Variants in FAM184A observed in about 807,000 individuals in gnomAD.
The protein encoded by FAM184A is family with sequence similarity 184 member A.
FAM184A carries 99 observed loss-of-function variants against 143.8 expected under a neutral mutation model. The ratio of observed to expected loss-of-function variants is 0.69; its 90% CI spans 0.58 to 0.81. FAM184A has a LOEUF of 0.81. FAM184A is among the 40% of genes least tolerant of loss of function. FAM184A has a pLI of 0.00. For missense variants in FAM184A, 1,217 were observed against 1,310.5 expected, an observed-to-expected ratio of 0.93 and a Z score of 1.10; for synonymous variants, 427 against 446.4, an observed-to-expected ratio of 0.96 and a Z score of 0.55.
intron 1 of FAM184A, among the ~76,000 whole-genome samples, chr6:119,027,437 A>G (rs987817725): frequency 1.8e-4 from 28 of 152,278 alleles, no homozygotes; most frequent in African/African-American, 6.7e-4. Flanking sequence ...TTCCTGACAT[A>G]GAGCTCCTAA....
At chr6:119,103,928 G>GAAAA (rs199961401) in intron 1 of FAM184A, among the ~76,000 whole-genome samples, 3 of 72,888 alleles carry the variant, frequency 4.1e-5, no homozygotes, top group South Asian at 4.3e-4. Context: ...TCCGTGTAGA[G>GAAAA]AAAAAAAAAA....
chr6:119,073,000 C>T (rs528863269), intron 1 of FAM184A, among the ~76,000 whole-genome samples: 1 of 152,136 alleles, frequency 6.6e-6, no homozygotes, highest in South Asian at 2.1e-4. Flanking sequence ...ATGTGCAAAC[C>T]ATTCATATTA....
intron 1 of FAM184A, among the ~76,000 whole-genome samples, chr6:119,076,481 C>A (rs930813036): frequency 3.3e-5 from 5 of 152,138 alleles, no homozygotes; most frequent in Non-Finnish European, 7.4e-5. Flanking sequence ...AATACACCTA[C>A]GTTTACCAGT....
intron 6 of FAM184A, among the ~76,000 whole-genome samples, 155 bp from the exon 7 acceptor site, chr6:119,006,763 G>A (rs1394147553): frequency 6.6e-6 from 1 of 152,092 alleles, no homozygotes; most frequent in Non-Finnish European, 1.5e-5. Context: ...AACCATGACA[G>A]CTTTCTTCTG....
chr6:118,967,050 A>AT, intron 14 of FAM184A, 98 bp from the exon 15 acceptor site: 1 of 581,652 alleles, frequency 1.7e-6, no homozygotes, highest in Non-Finnish European at 3.0e-6. Context: ...CACACACAAA[A>AT]ATCTGAAACA....
In FAM184A at chr6:119,056,285, T is replaced by G. The variant is rs192545729; in HGVS notation, c.159+21856A>C. On this transcript the variant is annotated intron_variant, in intron 1 of 17. Transcript: ENST00000338891. Reference sequence around the variant, plus strand: ...AGATTGAGACAAGAAACTAGGTTTTTGGTTTATTTGTTATTTGGGATATGG... The same window carrying G: ...AGATTGAGACAAGAAACTAGGTTTTGGGTTTATTTGTTATTTGGGATATGG... Among the ~76,000 whole-genome samples, 490 of 152,350 alleles carry G rather than the reference T, an allele frequency of 3.2e-3. 1 individual carries two copies. The highest frequency in any genetic ancestry group is 4.7e-3 in the Non-Finnish European group (319 of 68,024).
chr6:119,076,160 G>T (rs543213675), intron 1 of FAM184A, among the ~76,000 whole-genome samples: 4 of 152,102 alleles, frequency 2.6e-5, no homozygotes, highest in Non-Finnish European at 5.9e-5. Flanking sequence ...GTAGTGCCAG[G>T]GATGCTGCCA....
intron 1 of FAM184A, among the ~76,000 whole-genome samples, chr6:119,112,754 AT>A (rs776511828): frequency 6.6e-5 from 10 of 152,318 alleles, no homozygotes; most frequent in Admixed American, 3.9e-4. Context: ...TAGTCACACT[AT>A]TTTTTAAAGG....
chr6:118,968,439 A>G (rs1188949565), intron 14 of FAM184A, among the ~76,000 whole-genome samples: 1 of 152,222 alleles, frequency 6.6e-6, no homozygotes, highest in Non-Finnish European at 1.5e-5. Flanking sequence ...TTTTGTGACA[A>G]TAGAGACCAA....
intron 14 of FAM184A, among the ~76,000 whole-genome samples, chr6:118,970,008 A>ATATATATATATATATATATATATAT: frequency 1.6e-4 from 3 of 19,050 alleles, no homozygotes; most frequent in Non-Finnish European, 3.4e-4. Context: ...ATATATATAT[A>ATATATATATATATATATATATATAT]TTTTTTTTTT....
chr6:119,051,639 T>A (rs953480456), intron 1 of FAM184A, among the ~76,000 whole-genome samples: 1 of 152,052 alleles, frequency 6.6e-6, no homozygotes, highest in South Asian at 2.1e-4. Context: ...CATAAATATA[T>A]ACGAGTACTA....
intron 1 of FAM184A, among the ~76,000 whole-genome samples, chr6:119,131,414 G>A (rs995971868): frequency 6.6e-6 from 1 of 152,150 alleles, no homozygotes; most frequent in Non-Finnish European, 1.5e-5. Context: ...CAGACTGGTG[G>A]CAATCTTAGA....
chr6:119,073,927 C>G (rs902689419), intron 1 of FAM184A, among the ~76,000 whole-genome samples: 2 of 152,132 alleles, frequency 1.3e-5, no homozygotes, highest in African/African-American at 4.8e-5. Flanking sequence ...CAAGTCCATG[C>G]AAGAGGGGTA....
chr6:118,967,295 C>G (rs182191097), intron 14 of FAM184A, among the ~76,000 whole-genome samples: 5 of 152,232 alleles, frequency 3.3e-5, no homozygotes, highest in African/African-American at 1.2e-4. Context: ...TGACAAATAA[C>G]AGGTTTGATA....
intron 1 of FAM184A, among the ~76,000 whole-genome samples, chr6:119,102,784 C>CAAA (rs58686018): frequency 0.02 from 614 of 30,076 alleles, 91 homozygotes; most frequent in African/African-American, 0.044. Flanking sequence ...GACTCCATCT[C>CAAA]AAAAAAAAAA....
intron 1 of FAM184A, among the ~76,000 whole-genome samples, chr6:119,057,338 A>G (rs188326516): frequency 3.3e-5 from 5 of 152,356 alleles, no homozygotes; most frequent in African/African-American, 1.2e-4. Context: ...CTATGCTTAC[A>G]ATATAAAAGT....
chr6:118,992,468 A>G (rs11967889), intron 9 of FAM184A, among the ~76,000 whole-genome samples: 86,773 of 151,848 alleles, frequency 0.57, 25,155 homozygotes, highest in East Asian at 0.76. Context: ...TTGTGAATGG[A>G]TTTAATGTCC....
intron 9 of FAM184A, among the ~76,000 whole-genome samples, chr6:118,988,017 T>A (rs758506947): frequency 6.6e-6 from 1 of 152,198 alleles, no homozygotes; most frequent in Non-Finnish European, 1.5e-5. Context: ...AGTGATGTTG[T>A]TTATGCAAAA....
chr6:118,986,288 G>A lies in FAM184A; in HGVS notation c.2089-5938C>T, dbSNP rs572513510. On this transcript the variant is annotated intron_variant, in intron 9 of 17. Coordinates refer to ENST00000338891, the MANE Select transcript of FAM184A (RefSeq NM_024581.6). The stretch of plus-strand genomic sequence containing the variant: ...AGCCTGGGCGACAGAGCGAGACTCC[G>A]TCTCCGAAAAAAAAAAAAATTTGTG... Among the ~76,000 whole-genome samples the A allele has an allele frequency of 4.0e-5, 6 of 151,236 alleles. No homozygotes were observed. In the East Asian group the frequency reaches 7.7e-4, roughly 20 times the overall value.
Sources: allele counts gnomAD v4.1 joint callset (sites outside exome capture counted in the v4.1 genomes callset), GRCh38; gene constraint gnomAD v4.1.1; transcripts MANE v1.5; gene names NCBI Gene and HGNC (gene_info 2026-07-23, HGNC 2026-07-21).